Variants in DIAPH3 observed in about 807,000 individuals in gnomAD.
The protein encoded by DIAPH3 is protein diaphanous homolog 3.
In DIAPH3, 117 loss-of-function variants were observed where a neutral mutation model predicts 144.3. The ratio of observed to expected loss-of-function variants is 0.81; its 90% CI spans 0.70 to 0.95. DIAPH3 has a LOEUF of 0.95. Among genes scored for constraint, DIAPH3 ranks in the 40% least tolerant of loss-of-function variants. The probability of loss-of-function intolerance (pLI) is 0.00; values close to 1 mark genes in which losing one functional copy is unlikely to be tolerated. For missense variants in DIAPH3, 1,421 were observed against 1,412.7 expected (o/e 1.01, Z -0.09); for synonymous variants, 519 against 488.9 (o/e 1.06, Z -0.81).
intron 20 of DIAPH3, among the ~76,000 whole-genome samples, chr13:59,887,189 CT>C (rs1455441565): frequency 6.6e-6 from 1 of 151,790 alleles, no homozygotes; most frequent in African/African-American, 2.4e-5. Flanking sequence ...ATTTTTTTAT[CT>C]GATAATATGG....
intron 4 of DIAPH3, among the ~76,000 whole-genome samples, chr13:60,079,661 T>A (rs750222749): frequency 6.6e-6 from 1 of 151,334 alleles, no homozygotes; most frequent in South Asian, 2.1e-4. Flanking sequence ...ATGTCTTATG[T>A]GGGAAAAAAA....
intron 20 of DIAPH3, among the ~76,000 whole-genome samples, chr13:59,896,870 G>A (rs959453469): frequency 6.6e-6 from 1 of 152,096 alleles, no homozygotes; most frequent in African/African-American, 2.4e-5. Flanking sequence ...ACCCAGCACT[G>A]TGTCTCAATA....
At chr13:59,785,483 T>C (rs929484085) in intron 25 of DIAPH3, among the ~76,000 whole-genome samples, 1 of 152,214 alleles carries the variant, frequency 6.6e-6, no homozygotes, top group Non-Finnish European at 1.5e-5. Context: ...TGCCTCCTCA[T>C]ACCTATAAGA....
intron 22 of DIAPH3, among the ~76,000 whole-genome samples, chr13:59,840,444 C>G (rs1593624640): frequency 6.7e-6 from 1 of 150,054 alleles, no homozygotes; most frequent in African/African-American, 2.4e-5. Flanking sequence ...TCTAAATGCC[C>G]AACAAAATGA....
intron 15 of DIAPH3, 71 bp downstream of exon 15, chr13:59,974,281 G>A: frequency 9.3e-7 from 1 of 1,076,130 alleles, no homozygotes; most frequent in African/African-American, 1.6e-5. Flanking sequence ...TTGATGCTAT[G>A]AAGATATAAC....
chr13:59,683,859 T>TG (rs2033074417), intron 27 of DIAPH3, among the ~76,000 whole-genome samples: 1 of 152,184 alleles, frequency 6.6e-6, no homozygotes, highest in Admixed American at 6.5e-5. Context: ...AGATTAGTGT[T>TG]CCAGTTTTCC....
chr13:59,895,314 A>G (rs1053773038), intron 20 of DIAPH3, among the ~76,000 whole-genome samples: 2 of 152,000 alleles, frequency 1.3e-5, no homozygotes, highest in African/African-American at 4.8e-5. Context: ...CGCTCTTCTA[A>G]ATAACTGTAA....
intron 23 of DIAPH3, among the ~76,000 whole-genome samples, chr13:59,835,796 A>G (rs904150957): frequency 3.3e-5 from 5 of 151,798 alleles, no homozygotes; most frequent in Admixed American, 2.0e-4. Flanking sequence ...TTTACTTCCT[A>G]GTCGCCACAG....
rs745807316 is a variant in DIAPH3, at chr13:60,008,496, G to C, written c.1014+48C>G. ...TAAACCAATCATAAAACCGTTAAAA[G>C]TAATATATGCCATTTAAAAACAGAT... On this transcript the variant is annotated intron_variant, in intron 9 of 27. Coordinates refer to ENST00000400324, the MANE Select transcript of DIAPH3 (RefSeq NM_001042517.2). 3 of 1,254,718 alleles carry C rather than the reference G, an allele frequency of 2.4e-6. No homozygotes were observed. The South Asian group carries it at 3.7e-5, about 15-fold the overall frequency. 77.7% of individuals were successfully genotyped at this position (1,254,718 alleles called of 1,614,324 possible).
intron 14 of DIAPH3, among the ~76,000 whole-genome samples, chr13:59,980,381 A>C (rs2050920471): frequency 6.6e-6 from 1 of 151,568 alleles, no homozygotes; most frequent in Admixed American, 6.6e-5. Context: ...TTTTGATTAC[A>C]TACATTTTGC....
chr13:59,666,885 T>A (rs1041574123), intron 27 of DIAPH3, 39 bp from the exon 28 acceptor site: 12 of 1,612,226 alleles, frequency 7.4e-6, no homozygotes, highest in Admixed American at 6.7e-5. Context: ...CTTATCACCA[T>A]GATAACCAAG....
intron 27 of DIAPH3, among the ~76,000 whole-genome samples, chr13:59,713,468 C>T (rs1318894530): frequency 6.6e-6 from 1 of 152,178 alleles, no homozygotes; most frequent in Non-Finnish European, 1.5e-5. Context: ...TGAGGACTGA[C>T]ATTATGCAGG....
intron 17 of DIAPH3, among the ~76,000 whole-genome samples, chr13:59,944,144 T>C (rs1451327988): frequency 3.9e-5 from 6 of 151,960 alleles, no homozygotes; most frequent in African/African-American, 1.5e-4. Flanking sequence ...AGCCCAGGAA[T>C]TCAAGGTTGC....
At chr13:59,769,240 A>G (rs2074909019) in intron 27 of DIAPH3, among the ~76,000 whole-genome samples, 1 of 152,176 alleles carries the variant, frequency 6.6e-6, no homozygotes, top group Non-Finnish European at 1.5e-5. Flanking sequence ...GAAAAACACC[A>G]GTCACTCAGT....
chr13:59,873,239 TG>T (rs1037221819), intron 21 of DIAPH3, among the ~76,000 whole-genome samples: 2 of 152,230 alleles, frequency 1.3e-5, no homozygotes, highest in African/African-American at 4.8e-5. Context: ...CAAAATTTAC[TG>T]GTATAATTTT....
At chr13:59,668,520 C>T (rs1158979573) in intron 27 of DIAPH3, among the ~76,000 whole-genome samples, 6 of 152,142 alleles carry the variant, frequency 3.9e-5, no homozygotes, top group African/African-American at 1.2e-4. Flanking sequence ...TGTGTGTGTG[C>T]GTGTGTGCGC....
intron 3 of DIAPH3, 46 bp from the exon 4 acceptor site, chr13:60,093,778 C>A (rs1279991247): frequency 6.3e-6 from 8 of 1,265,416 alleles, no homozygotes; most frequent in Non-Finnish European, 8.1e-6. Context: ...CTAAGTAGAG[C>A]AGCAATTCTA....
chr13:59,871,834 T>C (rs2044298859), intron 21 of DIAPH3, among the ~76,000 whole-genome samples: 1 of 152,244 alleles, frequency 6.6e-6, no homozygotes, highest in Non-Finnish European at 1.5e-5. Context: ...AGATGGCATC[T>C]ATCAAGGTCC....
chr13:60,098,585 A>C (rs971691803), intron 3 of DIAPH3, among the ~76,000 whole-genome samples: 2 of 152,202 alleles, frequency 1.3e-5, no homozygotes, highest in Non-Finnish European at 2.9e-5. Context: ...AAGAATAAAT[A>C]TAGAAACAAA....
Sources: allele counts gnomAD v4.1 joint callset (sites outside exome capture counted in the v4.1 genomes callset), GRCh38; gene constraint gnomAD v4.1.1; transcripts MANE v1.5; gene names NCBI Gene and HGNC (gene_info 2026-07-23, HGNC 2026-07-21).